The following PDLIM5 variants were observed in gnomAD, a reference collection of about 807,000 sequenced individuals.
PDLIM5 encodes the protein PDZ and LIM domain protein 5.
Under a neutral mutation model 64.2 loss-of-function variants are expected in PDLIM5, and 34 were observed. The observed-to-expected ratio is 0.53, with a 90% CI of 0.40 to 0.71. PDLIM5 has a LOEUF of 0.71. PDLIM5 is among the 30% of genes least tolerant of loss of function. The pLI is 0.00. For missense variants in PDLIM5, 683 were observed against 733.6 expected (o/e 0.93, Z 0.80); for synonymous variants, 253 against 269.1 (o/e 0.94, Z 0.59).
intron 3 of PDLIM5, among the ~76,000 whole-genome samples, chr4:94,540,129 CTTCT>C (rs1389788676): frequency 1.5e-5 from 2 of 133,642 alleles, no homozygotes; most frequent in East Asian, 4.4e-4. Context: ...TGCTACTATT[CTTCT>C]TTTTTTTTTT....
At chr4:94,639,344 C>T (rs1001427387) in intron 8 of PDLIM5, among the ~76,000 whole-genome samples, 5 of 152,042 alleles carry the variant, frequency 3.3e-5, no homozygotes, top group Admixed American at 6.6e-5. Flanking sequence ...TCCTTAAATG[C>T]TGTTGGGTCA....
At chr4:94,602,178 G>A (rs1047744635) in intron 7 of PDLIM5, among the ~76,000 whole-genome samples, 5 of 151,960 alleles carry the variant, frequency 3.3e-5, no homozygotes, top group Admixed American at 6.6e-5. Context: ...TCCTCTTATT[G>A]AAAACTCGTC....
At chr4:94,456,030 G>T in intron 2 of PDLIM5, 1 of 1,359,652 alleles carries the variant, frequency 7.4e-7, no homozygotes, top group Non-Finnish European at 9.5e-7. Flanking sequence ...CTGATGAGAG[G>T]AGTAATTAAA....
At chr4:94,578,212 A>G (rs1228354932) in intron 5 of PDLIM5, among the ~76,000 whole-genome samples, 1 of 152,210 alleles carries the variant, frequency 6.6e-6, no homozygotes, top group Non-Finnish European at 1.5e-5. Context: ...GAAAATACCA[A>G]GCTTAAGTTT....
At chr4:94,533,253 T>G (rs929888125) in intron 3 of PDLIM5, among the ~76,000 whole-genome samples, 1 of 152,196 alleles carries the variant, frequency 6.6e-6, no homozygotes, top group Non-Finnish European at 1.5e-5. Context: ...TAGGATGTAT[T>G]TTGTATTGTG....
Position 94,585,462 on chromosome 4 carries a change from A to G in PDLIM5, c.711-103A>G, listed in dbSNP as rs917498643. 89 of 691,524 alleles carry G rather than the reference A, an allele frequency of 1.3e-4. 1 individual carries two copies. The African/African-American group carries it at 1.5e-3, about 12-fold the overall frequency. The allele number at this position is 691,524 out of a possible 1,614,324, so 42.8% of individuals were successfully genotyped here. ...AGCAAACTGTTTATATAAAAGGAAT[A>G]TTGAAGATTAATCATATAAATTATA... On this transcript the variant is annotated intron_variant, in intron 5 of 12. Coordinates refer to ENST00000317968, the MANE Select transcript of PDLIM5 (RefSeq NM_006457.5).
intron 7 of PDLIM5, among the ~76,000 whole-genome samples, chr4:94,595,276 G>A (rs559908662): frequency 6.6e-6 from 1 of 152,260 alleles, no homozygotes; most frequent in South Asian, 2.1e-4. Context: ...AGAATTATAA[G>A]GTATGATATG....
At chr4:94,460,620 CAA>C (rs1305320300) in intron 2 of PDLIM5, among the ~76,000 whole-genome samples, 3 of 87,724 alleles carry the variant, frequency 3.4e-5, no homozygotes, top group Admixed American at 1.3e-4. Context: ...GACCCTGTCT[CAA>C]AAAAAAAAAA....
At chr4:94,595,644 G>A (rs373436854) in intron 7 of PDLIM5, among the ~76,000 whole-genome samples, 28 of 152,144 alleles carry the variant, frequency 1.8e-4, no homozygotes, top group African/African-American at 6.3e-4. Flanking sequence ...GATATTCATT[G>A]ACCCACACAA....
chr4:94,642,634 G>A (rs1404105660), intron 9 of PDLIM5, among the ~76,000 whole-genome samples: 7 of 152,156 alleles, frequency 4.6e-5, no homozygotes, highest in Admixed American at 4.6e-4. Context: ...ATTAGTTCAT[G>A]TCAAGATCAT....
At chr4:94,507,937 C>G (rs1173118016) in intron 2 of PDLIM5, among the ~76,000 whole-genome samples, 1 of 152,162 alleles carries the variant, frequency 6.6e-6, no homozygotes, top group African/African-American at 2.4e-5. Flanking sequence ...GGACTTTGCT[C>G]AACTGGGAAC....
chr4:94,618,081 C>T lies in PDLIM5; in HGVS notation c.998C>T (p.Pro333Leu), dbSNP rs750408071. The T allele has an allele frequency of 1.9e-5, 31 of 1,611,978 alleles. No individual in the cohort carries two copies. The highest frequency in any genetic ancestry group is 5.3e-5 in the African/African-American group (4 of 74,930). The change falls in exon 8 of 13, where the codon CCA becomes CTA. Residue 333 changes from proline to leucine, a missense_variant. Coordinates refer to ENST00000317968, the MANE Select transcript of PDLIM5 (RefSeq NM_006457.5). The stretch of plus-strand genomic sequence containing the variant: ...AGCATGCCCGAGAGCCTGGACAGCC[C>T]AACCTCTGGCAGACCAGGGGTTACC... ...TRSMPESLDS[P>L]TSGRPGVTSL...
At chr4:94,473,969 C>T (rs1457054217) in intron 2 of PDLIM5, among the ~76,000 whole-genome samples, 1 of 152,120 alleles carries the variant, frequency 6.6e-6, no homozygotes, top group Non-Finnish European at 1.5e-5. Context: ...ATAATACTCA[C>T]TTTAAAAATC....
At position 94,640,466 on chromosome 4, in the gene PDLIM5, A is replaced by T. The variant is rs1560759273; in HGVS notation, c.1283+16A>T. On this transcript the variant is annotated intron_variant, in intron 9 of 12. Transcript: ENST00000317968. ...AGGTCATCAGGTTGGTTGTTTTTTG[A>T]AATTTTCTTGAAAGTACTTAATATC... is the stretch of plus-strand genomic sequence containing the variant. 1.3e-6 allele frequency: 2 copies of T among 1,523,742 alleles called. No individual in the cohort carries two copies. Among genetic ancestry groups the T allele is most frequent in the Non-Finnish European group, 1.8e-6 (2 of 1,130,272 alleles). The allele number at this position is 1,523,742 out of a possible 1,614,324, so 94.4% of individuals were successfully genotyped here. A position where few individuals can be genotyped will look rare whatever the true frequency, so the allele number is the denominator to read the frequency against.
rs1462159071 is a variant in PDLIM5, at chr4:94,664,639, G to A, written c.*572G>A. On this transcript the variant is annotated 3_prime_UTR_variant, in exon 13 of 13. Transcript: ENST00000317968. ...AATCCCAGCACTTTGGGAGGCCAAG[G>A]TGGGTGGACCACATGAGGTCAGGAG... 3.5e-6 allele frequency: 1 copy of A among 289,102 alleles called. No homozygotes were observed. Among genetic ancestry groups the A allele is most frequent in the Non-Finnish European group, 5.2e-6 (1 of 193,648 alleles). 17.9% of individuals were successfully genotyped at this position (289,102 alleles called of 1,614,324 possible). A position where few individuals can be genotyped will look rare whatever the true frequency, so the allele number is the denominator to read the frequency against.
intron 3 of PDLIM5, among the ~76,000 whole-genome samples, chr4:94,563,435 T>C (rs894906747): frequency 3.5e-4 from 54 of 152,216 alleles, no homozygotes; most frequent in Non-Finnish European, 4.7e-4. Context: ...CCCAAAGTTA[T>C]TTTTTAAGTG....
chr4:94,585,818 A>T, intron 6 of PDLIM5, 81 bp downstream of exon 6: 2 of 1,068,258 alleles, frequency 1.9e-6, no homozygotes, highest in Non-Finnish European at 2.8e-6. Flanking sequence ...GGTAGTTGTC[A>T]GAAAACAACC....
At chr4:94,501,162 T>C (rs980229055) in intron 2 of PDLIM5, among the ~76,000 whole-genome samples, 13 of 149,732 alleles carry the variant, frequency 8.7e-5, no homozygotes, top group African/African-American at 2.7e-4. Context: ...AGCCTCGACC[T>C]CCCAGGCTCA....
At chr4:94,548,013 A>G (rs1464668733) in intron 3 of PDLIM5, among the ~76,000 whole-genome samples, 5 of 152,178 alleles carry the variant, frequency 3.3e-5, no homozygotes, top group African/African-American at 1.2e-4. Flanking sequence ...ATCCTTATCT[A>G]TCATCAAGTC....
Sources: allele counts gnomAD v4.1 joint callset (sites outside exome capture counted in the v4.1 genomes callset), GRCh38; gene constraint gnomAD v4.1.1; transcripts MANE v1.5; gene names NCBI Gene and HGNC (gene_info 2026-07-23, HGNC 2026-07-21).